GABPA: variants seen among roughly 807,000 people sequenced by gnomAD.
GABPA encodes the protein GA binding protein transcription factor subunit alpha, also known as GA-binding protein alpha chain.
Under a neutral mutation model 59.4 loss-of-function variants are expected in GABPA, and 4 were observed. That is an observed-to-expected ratio of 0.07 (90% CI 0.03 to 0.15). The LOEUF (loss-of-function observed/expected upper bound fraction) is 0.15, where lower values mean the gene tolerates loss of function less well. GABPA is among the 10% of genes least tolerant of loss of function. The pLI is 1.00. For synonymous variants in GABPA, 164 were observed against 183.1 expected, an observed-to-expected ratio of 0.90 and a Z score of 0.84; for missense variants, 251 against 543.8, an observed-to-expected ratio of 0.46 and a Z score of 5.36.
At chr21:25,744,281 C>T (rs554784736) in intron 2 of GABPA, among the ~76,000 whole-genome samples, 1 of 152,100 alleles carries the variant, frequency 6.6e-6, no homozygotes, top group East Asian at 1.9e-4. Context: ...CAGTTGAGCT[C>T]AGGAGTTTGA....
At chr21:25,748,309 G>A (rs1199980376) in intron 3 of GABPA, among the ~76,000 whole-genome samples, 1 of 152,162 alleles carries the variant, frequency 6.6e-6, no homozygotes, top group Non-Finnish European at 1.5e-5. Context: ...AATGCGAGTA[G>A]GACATGCAGC....
intron 9 of GABPA, among the ~76,000 whole-genome samples, chr21:25,768,073 T>G (rs2035933869): frequency 6.6e-6 from 1 of 152,112 alleles, no homozygotes; most frequent in South Asian, 2.1e-4. Flanking sequence ...TTGCCTCTTT[T>G]TCCTGTTGTT....
At chr21:25,752,378 C>A in intron 5 of GABPA, 144 bp downstream of exon 5, 2 of 910,810 alleles carry the variant, frequency 2.2e-6, no homozygotes, top group Non-Finnish European at 3.3e-6. Context: ...TTAATTGTAA[C>A]GCACATTTAA....
Position 25,735,059 on chromosome 21 carries a change from A to G in GABPA, c.-546A>G, listed in dbSNP as rs2034981037. ...GGTGAGACAGAAGCCAAACAGGAGG[A>G]GGAAGTGGAGGGTAAGTGCTTCCGG... is the stretch of plus-strand genomic sequence containing the variant. On this transcript the variant is annotated 5_prime_UTR_variant, in exon 1 of 10. Transcript: ENST00000400075. 5 of 1,198,496 alleles carry G rather than the reference A, an allele frequency of 4.2e-6. No individual in the cohort carries two copies. In the African/African-American group the frequency reaches 6.1e-5, roughly 15 times the overall value. The allele number at this position is 1,198,496 out of a possible 1,614,324, so 74.2% of individuals were successfully genotyped here.
intron 1 of GABPA, among the ~76,000 whole-genome samples, chr21:25,736,021 G>C (rs930300243): frequency 1.3e-5 from 2 of 152,016 alleles, no homozygotes; most frequent in African/African-American, 4.8e-5. Context: ...TTTCAAATCC[G>C]CTCTCTTTAT....
chr21:25,765,558 T>C (rs1013029808), intron 9 of GABPA, among the ~76,000 whole-genome samples: 2 of 151,990 alleles, frequency 1.3e-5, no homozygotes, highest in East Asian at 3.8e-4. Context: ...CGAGTATTCA[T>C]TGTTACAGTA....
chr21:25,749,569 C>T (rs1352480632), intron 4 of GABPA, among the ~76,000 whole-genome samples: 15 of 152,232 alleles, frequency 9.9e-5, no homozygotes, highest in Admixed American at 2.6e-4. Flanking sequence ...CGGGGGCTCA[C>T]GCCTGTAATC....
rs891091143 is a variant in GABPA at position 25,770,650 on chromosome 21, T to G, written c.*1418T>G. On this transcript the variant is annotated 3_prime_UTR_variant, in exon 10 of 10. Transcript: ENST00000400075. ...TTTAAATCTGTCCTCTTAAAAAGCT[T>G]CTTAAGAGCTCAGTTAATGCTTTTG... The G allele has an allele frequency of 6.6e-6, 1 of 152,070 alleles. No homozygotes were observed. Among genetic ancestry groups the G allele is most frequent in the Non-Finnish European group, 1.5e-5 (1 of 67,928 alleles). The allele number at this position is 152,070 out of a possible 1,614,324, so 9.4% of individuals were successfully genotyped here. A position where few individuals can be genotyped will look rare whatever the true frequency, so the allele number is the denominator to read the frequency against.
In GABPA at chr21:25,735,213, G is replaced by A; in HGVS notation, c.-392G>A. 1.7e-6 allele frequency: 1 copy of A among 591,480 alleles called. No homozygotes were observed. The highest frequency in any genetic ancestry group is 3.0e-6 in the Non-Finnish European group (1 of 329,324). 36.6% of individuals were successfully genotyped at this position (591,480 alleles called of 1,614,324 possible). A position where few individuals can be genotyped will look rare whatever the true frequency, so the allele number is the denominator to read the frequency against. ...TTTCCCCTAGTTCAAGCTCCCCTCCGAGTCAGCGTCCTGTTCGTTAGGGTT... is the reference window on the plus strand; with the variant it reads ...TTTCCCCTAGTTCAAGCTCCCCTCCAAGTCAGCGTCCTGTTCGTTAGGGTT... On this transcript the variant is annotated 5_prime_UTR_variant, in exon 1 of 10. Transcript: ENST00000400075.
chr21:25,758,932 A>T (rs1010873915), intron 6 of GABPA, among the ~76,000 whole-genome samples: 1 of 152,074 alleles, frequency 6.6e-6, no homozygotes, highest in African/African-American at 2.4e-5. Flanking sequence ...TAGGCGGACA[A>T]GGTGGTGCGT....
chr21:25,766,602 T>A (rs1433695575), intron 9 of GABPA, among the ~76,000 whole-genome samples: 4 of 151,930 alleles, frequency 2.6e-5, no homozygotes, highest in Admixed American at 6.6e-5. Flanking sequence ...GTGTACGGCC[T>A]CATTAGTATT....
rs1439038997 is a variant in GABPA at position 25,771,978 on chromosome 21, C to T, written c.*2746C>T. 3 of 151,992 alleles carry T rather than the reference C, an allele frequency of 2.0e-5. No homozygotes were observed. Among genetic ancestry groups the T allele is most frequent in the Non-Finnish European group, 4.4e-5 (3 of 67,882 alleles). The allele number at this position is 151,992 out of a possible 1,614,324, so 9.4% of individuals were successfully genotyped here. The stretch of plus-strand genomic sequence containing the variant: ...AGGAAAAATTGTTTAGTTGTTTTCT[C>T]CCCTGATTAATGGTGATATTCAAGT... On this transcript the variant is annotated 3_prime_UTR_variant, in exon 10 of 10. Transcript: ENST00000400075.
chr21:25,755,626 C>A (rs1235419678), intron 5 of GABPA, among the ~76,000 whole-genome samples: 1 of 152,042 alleles, frequency 6.6e-6, no homozygotes, highest in Non-Finnish European at 1.5e-5. Context: ...GAGACGGTCT[C>A]ACTCTTCAGT....
At chr21:25,768,456 G>A (rs1324254642) in intron 9 of GABPA, among the ~76,000 whole-genome samples, 2 of 151,942 alleles carry the variant, frequency 1.3e-5, no homozygotes, top group East Asian at 1.9e-4. Context: ...TTATATTATC[G>A]ATTTTTATTA....
chr21:25,762,928 C>A, intron 7 of GABPA: 1 of 325,200 alleles, frequency 3.1e-6, no homozygotes. Flanking sequence ...TTTTCCAAGG[C>A]TTGAAGAGTC....
At chr21:25,741,715 A>T (rs2035225753) in intron 2 of GABPA, 40 bp downstream of exon 2, 7 of 1,271,438 alleles carry the variant, frequency 5.5e-6, no homozygotes, top group Non-Finnish European at 7.9e-6. Flanking sequence ...TCAAAATATC[A>T]ATATACCTAA....
rs573716626 is a variant in GABPA, at chr21:25,770,167, C to T, written c.*935C>T. ...TTCTGATAAAATGAAGACTTTAAAT[C>T]AGTCAGTAGTACTTTACCTTTCAAG... On this transcript the variant is annotated 3_prime_UTR_variant, in exon 10 of 10. Transcript: ENST00000400075. 6.6e-6 allele frequency: 1 copy of T among 152,648 alleles called. No homozygotes were observed. The highest frequency in any genetic ancestry group is 1.9e-4 in the East Asian group (1 of 5,182). The allele number at this position is 152,648 out of a possible 1,614,324, so 9.5% of individuals were successfully genotyped here.
intron 2 of GABPA, among the ~76,000 whole-genome samples, chr21:25,742,228 C>G (rs1601112158): frequency 7.4e-3 from 2 of 272 alleles, no homozygotes; most frequent in African/African-American, 0.028. Context: ...GTAATGAGTT[C>G]AGAATCCAGG....
At position 25,762,297 on chromosome 21, in the gene GABPA, T is replaced by C; in HGVS notation, c.749-15T>C. Reference sequence around the variant, plus strand: ...TTGGTTTTAAATAAAAACAAAAAATTTTTGTTTTTTTCAGATGTATTGGCA... The same window carrying C: ...TTGGTTTTAAATAAAAACAAAAAATCTTTGTTTTTTTCAGATGTATTGGCA... On this transcript the variant is annotated splice_polypyrimidine_tract_variant and intron_variant, in intron 6 of 9. Coordinates refer to ENST00000400075, the MANE Select transcript of GABPA (RefSeq NM_002040.4). 1 of 1,490,682 alleles carries C rather than the reference T, an allele frequency of 6.7e-7. No individual in the cohort carries two copies. Among genetic ancestry groups the C allele is most frequent in the Non-Finnish European group, 9.1e-7 (1 of 1,095,458 alleles). The allele number at this position is 1,490,682 out of a possible 1,614,324, so 92.3% of individuals were successfully genotyped here.
Sources: gnomAD v4.1 joint callset for allele counts (sites outside exome capture counted in the v4.1 genomes callset) on GRCh38, gnomAD v4.1.1 for gene constraint, MANE v1.5 for transcripts, NCBI Gene and HGNC (gene_info 2026-07-23, HGNC 2026-07-21) for gene names.